The following PRKAG2 variants were observed in gnomAD, a reference collection of about 807,000 sequenced individuals.
PRKAG2 encodes the protein protein kinase AMP-activated non-catalytic subunit gamma 2, also known as 5'-AMP-activated protein kinase subunit gamma-2.
PRKAG2 carries 26 observed loss-of-function variants against 69.6 expected under a neutral mutation model. The ratio of observed to expected loss-of-function variants is 0.37; its 90% confidence interval spans 0.27 to 0.52. PRKAG2 has a LOEUF of 0.52. Ranked by LOEUF, PRKAG2 falls within the 20% of genes least tolerant of loss-of-function variation. PRKAG2 has a pLI of 0.90. For synonymous variants in PRKAG2, 293 were observed against 285.0 expected (o/e 1.03, Z -0.28); for missense variants, 557 against 740.0 (o/e 0.75, Z 2.87).
rs1017859290 is a variant in PRKAG2 at position 151,773,193 on chromosome 7, A to G, written c.466+7959T>C. Among the ~76,000 whole-genome samples the G allele has an allele frequency of 8.7e-5, 13 of 149,704 alleles. No individual in the cohort carries two copies. In the East Asian group the frequency reaches 2.0e-3, roughly 23 times the overall value. On this transcript the variant is annotated intron_variant, in intron 3 of 15. Coordinates refer to ENST00000287878, the MANE Select transcript of PRKAG2 (RefSeq NM_016203.4). ...AGGAAGGAAGGAAGGAAGGAAAGAA[A>G]GAAGGAAAGAAAGAAAGGAAAGAAA...
chr7:151,612,176 A>T (rs945531094), intron 5 of PRKAG2, among the ~76,000 whole-genome samples: 2 of 152,134 alleles, frequency 1.3e-5, no homozygotes, highest in African/African-American at 4.8e-5. Flanking sequence ...GAGAAAGAGG[A>T]GAGTTGAGTA....
Position 151,776,326 on chromosome 7 carries a change from G to A in PRKAG2, c.466+4826C>T, listed in dbSNP as rs564129154. Among the ~76,000 whole-genome samples the A allele has an allele frequency of 2.4e-4, 37 of 152,294 alleles. No individual in the cohort carries two copies. In the South Asian group the frequency reaches 5.0e-3, roughly 20 times the overall value. ...GCCTTCCTGAGCCCGGCCCCTGGCT[G>A]TCTACCCCGATGGTGTAACCGGGCT... On this transcript the variant is annotated intron_variant, in intron 3 of 15. Transcript: ENST00000287878.
chr7:151,730,481 CA>C (rs1798750381), intron 3 of PRKAG2, among the ~76,000 whole-genome samples: 1 of 152,174 alleles, frequency 6.6e-6, no homozygotes, highest in Non-Finnish European at 1.5e-5. Context: ...CCCTGGGCAA[CA>C]TAGGGAAACC....
chr7:151,596,958 C>T (rs890057699), intron 5 of PRKAG2, among the ~76,000 whole-genome samples: 1 of 151,838 alleles, frequency 6.6e-6, no homozygotes, highest in Non-Finnish European at 1.5e-5. Flanking sequence ...CCACAAAGGA[C>T]CCCAAATAGC....
chr7:151,826,630 A>T (rs1198786153), intron 1 of PRKAG2, among the ~76,000 whole-genome samples: 1 of 152,230 alleles, frequency 6.6e-6, no homozygotes, highest in African/African-American at 2.4e-5. Context: ...AGGGATTTGT[A>T]TGCTATCAAG....
At chr7:151,717,664 G>C (rs1796389907) in intron 3 of PRKAG2, among the ~76,000 whole-genome samples, 1 of 152,240 alleles carries the variant, frequency 6.6e-6, no homozygotes, top group Admixed American at 6.5e-5. Context: ...CCTGGCATGT[G>C]TGAGTAGCCA....
At chr7:151,703,909 C>CACACACACACAA (rs1838172602) in intron 3 of PRKAG2, among the ~76,000 whole-genome samples, 1 of 131,586 alleles carries the variant, frequency 7.6e-6, no homozygotes, top group Non-Finnish European at 1.6e-5. Flanking sequence ...CACACACACA[C>CACACACACACAA]AAATTAGCTA....
intron 4 of PRKAG2, among the ~76,000 whole-genome samples, chr7:151,642,180 A>AG (rs779618245): frequency 6.6e-6 from 1 of 150,896 alleles, no homozygotes; most frequent in Non-Finnish European, 1.5e-5. Context: ...CTAAAAATAC[A>AG]GAAAAAAAAA....
chr7:151,763,217 G>A (rs1448502894), intron 3 of PRKAG2, among the ~76,000 whole-genome samples: 1 of 152,228 alleles, frequency 6.6e-6, no homozygotes, highest in East Asian at 1.9e-4. Flanking sequence ...CCCCTAAAAA[G>A]GCCACACACA....
At chr7:151,779,308 G>A (rs1339033580) in intron 3 of PRKAG2, among the ~76,000 whole-genome samples, 2 of 152,186 alleles carry the variant, frequency 1.3e-5, no homozygotes, top group African/African-American at 4.8e-5. Context: ...TAGGCCCTGA[G>A]GACTGAACAA....
At chr7:151,870,673 T>C (rs2080199710) in intron 1 of PRKAG2, among the ~76,000 whole-genome samples, 1 of 151,880 alleles carries the variant, frequency 6.6e-6, no homozygotes, top group African/African-American at 2.4e-5. Flanking sequence ...CATCCTGGAG[T>C]TCCCAAACTG....
intron 1 of PRKAG2, among the ~76,000 whole-genome samples, chr7:151,847,096 GC>G (rs1199580040): frequency 2.0e-5 from 3 of 152,248 alleles, no homozygotes; most frequent in African/African-American, 7.2e-5. Context: ...GACGGGGGAT[GC>G]CCGAGAGGGA....
At chr7:151,779,119 T>A (rs11773541) in intron 3 of PRKAG2, among the ~76,000 whole-genome samples, 34,787 of 152,138 alleles carry the variant, frequency 0.23, 4,181 homozygotes, top group African/African-American at 0.3. Context: ...TTGAAAGAGA[T>A]TGAAAATCTA....
rs80208940 is a variant in PRKAG2, at chr7:151,850,253, T to A, written c.114+26254A>T. On this transcript the variant is annotated intron_variant, in intron 1 of 15. Transcript: ENST00000287878. This position sits in a 1 kb window ranked among gnomAD's most constrained non-coding sequence, Gnocchi z 4.1. ...GAACCGGGTGGGCCCAGGAGAAACC[T>A]GGAGGTACAGTCCCCTCACCTAGAA... Among the ~76,000 whole-genome samples the A allele has an allele frequency of 7.2e-5, 11 of 152,190 alleles. No homozygotes were observed. The highest frequency in any genetic ancestry group is 2.7e-4 in the African/African-American group (11 of 41,444).
intron 14 of PRKAG2, among the ~76,000 whole-genome samples, chr7:151,561,915 A>G (rs1805058826): frequency 7.2e-6 from 1 of 138,976 alleles, no homozygotes; most frequent in African/African-American, 2.9e-5. Flanking sequence ...CCTGGGCGAC[A>G]GAGCGAGACT....
rs369210583 is a variant in PRKAG2 at position 151,765,641 on chromosome 7, C to T, written c.466+15511G>A. On this transcript the variant is annotated intron_variant, in intron 3 of 15. Coordinates refer to ENST00000287878, the MANE Select transcript of PRKAG2 (RefSeq NM_016203.4). Reference sequence around the variant, plus strand: ...CTGGACTGAGGGCCCACATGAATGACCTCATCTTAAATAATTACACCTGCC... The same window carrying T: ...CTGGACTGAGGGCCCACATGAATGATCTCATCTTAAATAATTACACCTGCC... Among the ~76,000 whole-genome samples, 6 of 152,150 alleles carry T rather than the reference C, an allele frequency of 3.9e-5. No individual in the cohort carries two copies. The East Asian group carries it at 1.2e-3, about 29-fold the overall frequency.
intron 3 of PRKAG2, among the ~76,000 whole-genome samples, chr7:151,690,222 G>C (rs1397947361): frequency 1.3e-5 from 2 of 152,170 alleles, no homozygotes; most frequent in Admixed American, 6.5e-5. Context: ...GAGGGAGGTG[G>C]GAAAGGAGCC....
At chr7:151,745,647 G>C (rs765180593) in intron 3 of PRKAG2, among the ~76,000 whole-genome samples, 1 of 152,174 alleles carries the variant, frequency 6.6e-6, no homozygotes, top group Non-Finnish European at 1.5e-5. Context: ...GATATCTAAG[G>C]CCACTGAGAA....
At chr7:151,750,607 A>G (rs967589692) in intron 3 of PRKAG2, among the ~76,000 whole-genome samples, 1 of 152,160 alleles carries the variant, frequency 6.6e-6, no homozygotes, top group African/African-American at 2.4e-5. Context: ...GGAAGGGGTA[A>G]TGGAGATTGA....
Sources: gnomAD v4.1 joint callset for allele counts (sites outside exome capture counted in the v4.1 genomes callset) on GRCh38, gnomAD v4.1.1 for gene constraint, Gnocchi (gnomAD v3.1) non-coding constraint, MANE v1.5 for transcripts, NCBI Gene and HGNC (gene_info 2026-07-23, HGNC 2026-07-21) for gene names.